TAFA5: variants seen among roughly 807,000 people sequenced by gnomAD.
TAFA5 encodes the protein TAFA chemokine like family member 5.
TAFA5 carries 6 observed loss-of-function variants against 15.3 expected under a neutral mutation model. The ratio of observed to expected loss-of-function variants is 0.39; its 90% CI spans 0.21 to 0.77. The LOEUF is 0.77. TAFA5 is among the 30% of genes least tolerant of loss of function. The probability of loss-of-function intolerance (pLI) is 0.41; values close to 1 mark genes in which losing one functional copy is unlikely to be tolerated. For missense variants in TAFA5, 161 were observed against 193.1 expected, an observed-to-expected ratio of 0.83 and a Z score of 0.98; for synonymous variants, 103 against 80.7, an observed-to-expected ratio of 1.28 and a Z score of -1.48.
At chr22:48,627,252 C>T (rs1465504221) in intron 1 of TAFA5, among the ~76,000 whole-genome samples, 1 of 152,250 alleles carries the variant, frequency 6.6e-6, no homozygotes, top group East Asian at 1.9e-4. Flanking sequence ...AAGTTGGCTC[C>T]TCCCAAGACA....
Position 48,749,931 on chromosome 22 carries a change from G to T in TAFA5, c.*84G>T. On this transcript the variant is annotated 3_prime_UTR_variant, in exon 4 of 4. Transcript: ENST00000402357. ...TCAGCCACAGTTCTCCACTCGCCTC[G>T]GACTTCACCCGTTCTCTGCCGCCCG... The T allele has an allele frequency of 7.6e-7, 1 of 1,319,796 alleles. No homozygotes were observed. The highest frequency in any genetic ancestry group is 1.1e-6 in the Non-Finnish European group (1 of 941,840). The allele number at this position is 1,319,796 out of a possible 1,614,324, so 81.8% of individuals were successfully genotyped here.
intron 1 of TAFA5, among the ~76,000 whole-genome samples, chr22:48,555,262 G>A (rs1052400673): frequency 5.3e-5 from 8 of 152,306 alleles, no homozygotes; most frequent in South Asian, 4.1e-4. Flanking sequence ...TGGGCTCAGC[G>A]CTCTTCCTAA....
intron 3 of TAFA5, among the ~76,000 whole-genome samples, chr22:48,735,625 T>C (rs1310126966): frequency 6.6e-6 from 1 of 152,224 alleles, no homozygotes; most frequent in African/African-American, 2.4e-5. Flanking sequence ...TTAGGCACTC[T>C]GTGGAGAGAA....
intron 3 of TAFA5, among the ~76,000 whole-genome samples, chr22:48,745,366 GCGGCTGGCCTGCCCGGGGTT>G (rs1930298204): frequency 6.8e-6 from 1 of 146,228 alleles, no homozygotes; most frequent in African/African-American, 2.6e-5. Context: ...TTTGTCGTCG[GCGGCTGGCCTGCCCGGGGTT>G]CACCCTGAGC....
At chr22:48,578,480 G>A (rs1362276408) in intron 1 of TAFA5, among the ~76,000 whole-genome samples, 1 of 152,218 alleles carries the variant, frequency 6.6e-6, no homozygotes, top group Non-Finnish European at 1.5e-5. Context: ...TCGCTTAGTG[G>A]AGTACTTTTT....
chr22:48,525,795 G>A (rs1005543239), intron 1 of TAFA5, among the ~76,000 whole-genome samples: 2 of 152,100 alleles, frequency 1.3e-5, no homozygotes, highest in Non-Finnish European at 2.9e-5. Flanking sequence ...TGGTGTGCAC[G>A]GCTCATTCTC....
At chr22:48,689,979 G>A (rs2147237130) in intron 2 of TAFA5, among the ~76,000 whole-genome samples, 1 of 152,266 alleles carries the variant, frequency 6.6e-6, no homozygotes, top group East Asian at 1.9e-4. Context: ...GCTCTGCCTT[G>A]CAACCTCTTC....
rs1197219539 is a variant in TAFA5 at position 48,655,830 on chromosome 22, C to CTTTTTTTTTTTTTTTT, written c.262+9096_262+9111dup. Among the ~76,000 whole-genome samples the CTTTTTTTTTTTTTTTT allele has an allele frequency of 1.3e-4, 8 of 62,402 alleles. 1 individual carries two copies. The highest frequency in any genetic ancestry group is 6.5e-4 in the East Asian group (1 of 1,530). The allele number at this position is 62,402 out of a possible 152,430, so 40.9% of individuals were successfully genotyped here. ...GGCTTCCTGAAGCCAAACACTGATT[C>CTTTTTTTTTTTTTTTT]TTTTTTTTTTTTTTTTTTTTTTTTT... On this transcript the variant is annotated intron_variant, in intron 2 of 3. Transcript: ENST00000402357.
chr22:48,740,994 C>T (rs1464698936), intron 3 of TAFA5, among the ~76,000 whole-genome samples: 1 of 152,204 alleles, frequency 6.6e-6, no homozygotes, highest in Non-Finnish European at 1.5e-5. Flanking sequence ...TGCGTCATCC[C>T]TGTAGGAAGT....
At position 48,750,554 on chromosome 22, in the gene TAFA5, C is replaced by T. The variant is rs1432863685; in HGVS notation, c.*707C>T. On this transcript the variant is annotated 3_prime_UTR_variant, in exon 4 of 4. Coordinates refer to ENST00000402357, the MANE Select transcript of TAFA5 (RefSeq NM_001082967.3). ...ACACCTGCGGGAGGCAGCGACGGCC[C>T]CCACGCAGACGCCGGGAACGCAGGC... The T allele has an allele frequency of 6.6e-6, 1 of 152,470 alleles. No homozygotes were observed. The highest frequency in any genetic ancestry group is 2.1e-4 in the South Asian group (1 of 4,834). 9.4% of individuals were successfully genotyped at this position (152,470 alleles called of 1,614,324 possible).
intron 1 of TAFA5, among the ~76,000 whole-genome samples, chr22:48,497,883 GGGCAGGTTT>G (rs1928384236): frequency 8.4e-6 from 1 of 119,120 alleles, no homozygotes; most frequent in South Asian, 3.2e-4. Flanking sequence ...CTGAGGGCAG[GGGCAGGTTT>G]GGAGGCCTGG....
chr22:48,710,173 AC>A (rs1319131875), intron 3 of TAFA5, among the ~76,000 whole-genome samples: 1 of 152,090 alleles, frequency 6.6e-6, no homozygotes, highest in Non-Finnish European at 1.5e-5. Context: ...GCCCAGGGTT[AC>A]CGTGGCAGAC....
At chr22:48,726,393 G>T (rs147785532) in intron 3 of TAFA5, among the ~76,000 whole-genome samples, 7 of 152,358 alleles carry the variant, frequency 4.6e-5, no homozygotes. Context: ...GCTAGTGGTG[G>T]TGGGCTGGAC....
At chr22:48,615,702 TC>T (rs1247330024) in intron 1 of TAFA5, among the ~76,000 whole-genome samples, 2 of 151,788 alleles carry the variant, frequency 1.3e-5, no homozygotes, top group Non-Finnish European at 2.9e-5. Flanking sequence ...CCCGCCCCCA[TC>T]CCCCCCTCTC....
intron 3 of TAFA5, among the ~76,000 whole-genome samples, chr22:48,715,665 G>A (rs535311332): frequency 2.8e-4 from 43 of 152,298 alleles, no homozygotes; most frequent in Non-Finnish European, 4.7e-4. Context: ...AGCCTGTCCT[G>A]CTGGAGAGAA....
At chr22:48,583,313 C>T (rs1036380140) in intron 1 of TAFA5, among the ~76,000 whole-genome samples, 4 of 147,802 alleles carry the variant, frequency 2.7e-5, no homozygotes, top group Non-Finnish European at 6.0e-5. Flanking sequence ...ACACACACCA[C>T]ACACTATACA....
rs1042752967 is a variant in TAFA5, at chr22:48,552,978, G to A, written c.112+63274G>A. On this transcript the variant is annotated intron_variant, in intron 1 of 3. Coordinates refer to ENST00000402357, the MANE Select transcript of TAFA5 (RefSeq NM_001082967.3). This position sits in a 1 kb window ranked among gnomAD's most constrained non-coding sequence, Gnocchi z 4.1. ...GAGGGGGGCTCGTCCCCAACCACCTGGTCACAGGCAGAGATTGGTCTGCCT... is the reference window on the plus strand; with the variant it reads ...GAGGGGGGCTCGTCCCCAACCACCTAGTCACAGGCAGAGATTGGTCTGCCT... 2.6e-5 allele frequency among the ~76,000 whole-genome samples: 4 copies of A among 152,128 alleles called. No homozygotes were observed. The highest frequency in any genetic ancestry group is 9.7e-5 in the African/African-American group (4 of 41,426).
intron 2 of TAFA5, among the ~76,000 whole-genome samples, chr22:48,662,746 T>C (rs1488167425): frequency 1.3e-5 from 2 of 151,988 alleles, no homozygotes; most frequent in African/African-American, 4.8e-5. Flanking sequence ...AGTGTTGAGG[T>C]CACCAGGGAA....
intron 1 of TAFA5, among the ~76,000 whole-genome samples, chr22:48,626,993 G>A (rs58456690): frequency 4.5e-4 from 69 of 152,302 alleles, no homozygotes; most frequent in African/African-American, 1.4e-3. Context: ...TGTGGGCTCC[G>A]TGGATGTTGG....
Sources: gnomAD v4.1 joint callset for allele counts (sites outside exome capture counted in the v4.1 genomes callset) on GRCh38, gnomAD v4.1.1 for gene constraint, Gnocchi (gnomAD v3.1) non-coding constraint, MANE v1.5 for transcripts, NCBI Gene and HGNC (gene_info 2026-07-23, HGNC 2026-07-21) for gene names.